Variants in TTN observed in about 807,000 individuals in gnomAD.
TTN encodes the protein connectin.
Under a neutral mutation model 3,223.0 loss-of-function variants are expected in TTN, and 1,525 were observed. The ratio of observed to expected loss-of-function variants is 0.47; its 90% CI spans 0.45 to 0.49. The LOEUF is 0.49. Ranked by LOEUF, TTN falls within the 20% of genes least tolerant of loss-of-function variation. The probability of loss-of-function intolerance (pLI) is 0.00; values close to 1 mark genes in which losing one functional copy is unlikely to be tolerated. For missense variants in TTN, 40,786 were observed against 43,424.0 expected (o/e 0.94, Z 5.40); for synonymous variants, 14,094 against 15,161.0 (o/e 0.93, Z 5.17).
Position 178,635,945 on chromosome 2 carries a change from TC to T in TTN, c.41608+17del. On this transcript the variant is annotated intron_variant, in intron 226 of 362. Transcript: ENST00000589042. ...GTGTAACAATAAGCAGAACGAAATCTCCCAGGAAAGTACTAACCTACTACTT... is the reference window on the plus strand; with the variant it reads ...GTGTAACAATAAGCAGAACGAAATCTCCAGGAAAGTACTAACCTACTACTT... 6.4e-7 allele frequency: 1 copy of T among 1,560,754 alleles called. No homozygotes were observed. Among genetic ancestry groups the T allele is most frequent in the Non-Finnish European group, 8.7e-7 (1 of 1,155,172 alleles).
Position 178,560,962 on chromosome 2 carries a change from G to A in TTN, c.85170C>T (p.Ser28390=). 6.2e-7 allele frequency: 1 copy of A among 1,613,756 alleles called. No individual in the cohort carries two copies. Among genetic ancestry groups the A allele is most frequent in the Non-Finnish European group, 8.5e-7 (1 of 1,179,790 alleles). The change falls in exon 326 of 363, where the codon TCC becomes TCT. Residue 28390 remains serine (S), a synonymous_variant. Transcript: ENST00000589042. ...CAATTTCTATACCATCCTTGGCCCA[G>A]GAAATTACTGGCAGAGGTCGCCCTG... is the stretch of plus-strand genomic sequence containing the variant. ...DIAGRPLPVI[S]WAKDGIEIEE... is the part of the protein sequence containing the mutation.
intron 126 of TTN, among the ~76,000 whole-genome samples, 190 bp from the exon 127 acceptor site, chr2:178,688,414 A>T (rs1448825666): frequency 6.6e-6 from 1 of 152,244 alleles, no homozygotes; most frequent in Non-Finnish European, 1.5e-5. Context: ...TGAGAATGAT[A>T]CTTGAGTTAT....
rs1416411399 is a variant in TTN, at chr2:178,710,864, T to A, written c.28233A>T (p.Gly9411=). 3 of 1,613,722 alleles carry A rather than the reference T, an allele frequency of 1.9e-6. No individual in the cohort carries two copies. The highest frequency in any genetic ancestry group is 2.5e-6 in the Non-Finnish European group (3 of 1,179,816). ...CGTGGCACTCAAAGTCAGCACTTTC[T>A]CCCACCACAGCATCCACAGGGGCAA... ...IRLAPVDAVV[G]ESADFECHVT... is the part of the protein sequence containing the mutation. The change falls in exon 98 of 363, where the codon GGA becomes GGT. Residue 9411 remains glycine, a synonymous_variant. Coordinates refer to ENST00000589042, the MANE Select transcript of TTN (RefSeq NM_001267550.2).
At position 178,778,922 on chromosome 2, in the gene TTN, A is replaced by G. The variant is rs115303497; in HGVS notation, c.4160T>C (p.Leu1387Pro). Reference sequence around the variant, plus strand: ...TGTGGGAATGTAAGTCGGAGCTCCAAGTGGTGCAGCAGGCTCCACATACAA... The same window carrying G: ...TGTGGGAATGTAAGTCGGAGCTCCAGGTGGTGCAGCAGGCTCCACATACAA... ...GKLYVEPAAP[L>P]GAPTYIPTLE... The change falls in exon 24 of 363, where the codon CTT becomes CCT. Residue 1387 changes from leucine (L) to proline (P), a missense_variant. Leu to Pro is a moderately conservative substitution (Grantham distance 98). Coordinates refer to ENST00000589042, the MANE Select transcript of TTN (RefSeq NM_001267550.2). 2.0e-5 allele frequency: 32 copies of G among 1,613,984 alleles called. No homozygotes were observed. The African/African-American group carries it at 3.9e-4, about 19-fold the overall frequency.
In TTN at chr2:178,701,167, A is replaced by T; in HGVS notation, c.30635T>A (p.Leu10212Ter). The part of the protein sequence containing the change: ...PPVVAPPIPL[L>*]LPTPEEKKPP... ...TTTCTTTTCTTCGGGTGTTGGTAGC[A>T]AAAGGGGGATAGGAGGAGCAACCAC... Residue 10212 changes from leucine to a stop codon, truncating the protein, a stop_gained, in exon 111 of 363, where the codon TTG becomes TAG. Coordinates refer to ENST00000589042, the MANE Select transcript of TTN (RefSeq NM_001267550.2). LOFTEE classifies it high-confidence loss of function. The T allele has an allele frequency of 6.2e-7, 1 of 1,613,650 alleles. No individual in the cohort carries two copies. The highest frequency in any genetic ancestry group is 2.2e-5 in the East Asian group (1 of 44,844).
At chr2:178,755,243 T>C (rs937714026) in intron 46 of TTN, among the ~76,000 whole-genome samples, 6 of 152,310 alleles carry the variant, frequency 3.9e-5, no homozygotes, top group Admixed American at 1.3e-4. Flanking sequence ...GACAAGTTTA[T>C]TCCTGCTCTT....
rs369025866 is a variant in TTN, at chr2:178,549,243, C to T, written c.92383G>A (p.Val30795Ile). 9.3e-6 allele frequency: 15 copies of T among 1,613,790 alleles called. No homozygotes were observed. Among genetic ancestry groups the T allele is most frequent in the Non-Finnish European group, 1.3e-5 (15 of 1,179,862 alleles). Residue 30795 changes from valine (V) to isoleucine (I), a missense_variant, in exon 339 of 363, where the codon GTC becomes ATC. Coordinates refer to ENST00000589042, the MANE Select transcript of TTN (RefSeq NM_001267550.2). Reference protein sequence around the residue: ...LTEGNEYEFHVMAENAAGVGP... With the variant: ...LTEGNEYEFHIMAENAAGVGP... ...ACTCCTGCAGCATTTTCAGCCATGA[C>T]ATGGAATTCATACTCATTGCCTTCT...
In TTN at chr2:178,799,522, G is replaced by T; in HGVS notation, c.879C>A (p.Val293=). 6.2e-7 allele frequency: 1 copy of T among 1,614,172 alleles called. No individual in the cohort carries two copies. Among genetic ancestry groups the T allele is most frequent in the Non-Finnish European group, 8.5e-7 (1 of 1,180,022 alleles). The change falls in exon 6 of 363, where the codon GTC becomes GTA. Residue 293 remains valine, a synonymous_variant. Coordinates refer to ENST00000589042, the MANE Select transcript of TTN (RefSeq NM_001267550.2). ...ATGGGGTCGGTGCCCGCACGTGTCT[G>T]ACCGGGGAAGGGGAGTGTCTTATGG... ...PSPIRHSPSP[V]RHVRAPTPSP... is the part of the protein sequence containing the mutation.
Position 178,671,125 on chromosome 2 carries a change from G to A in TTN, c.35273C>T (p.Thr11758Ile). Residue 11758 changes from threonine to isoleucine, a missense_variant, in exon 156 of 363, where the codon ACT becomes ATT. Coordinates refer to ENST00000589042, the MANE Select transcript of TTN (RefSeq NM_001267550.2). ...EKIIPPKKPP[T>I]KVVPRKEPPA... ...TGGCTCTTTTCGAGGAACAACTTTA[G>A]TGGGCGGTTTTTTTGGAGGGATGAT... 1 of 1,604,760 alleles carries A rather than the reference G, an allele frequency of 6.2e-7. No homozygotes were observed. The highest frequency in any genetic ancestry group is 8.5e-7 in the Non-Finnish European group (1 of 1,176,114).
In TTN at chr2:178,548,970, G is replaced by C. The variant is rs1234175458; in HGVS notation, c.92656C>G (p.Leu30886Val). The C allele has an allele frequency of 1.2e-6, 2 of 1,613,748 alleles. No homozygotes were observed. Among genetic ancestry groups the C allele is most frequent in the Non-Finnish European group, 1.7e-6 (2 of 1,179,824 alleles). Residue 30886 changes from leucine to valine, a missense_variant, in exon 339 of 363, where the codon CTA (leucine) becomes GTA (valine). By Grantham distance (32) the Leu-to-Val change is conservative (BLOSUM62 1). Transcript: ENST00000589042. This position sits in a 1 kb window ranked among gnomAD's most constrained non-coding sequence, Gnocchi z 4.3. ...AATTTGTATTCTTCACCTGCTTGTA[G>C]ATCAGTGACTGTATATCTTGTTTTC... is the stretch of plus-strand genomic sequence containing the variant. ...CVKTRYTVTD[L>V]QAGEEYKFRV...
At position 178,776,261 on chromosome 2, in the gene TTN, G is replaced by T. The variant is rs773566945; in HGVS notation, c.5603C>A (p.Pro1868His). Residue 1868 changes from proline (P) to histidine (H), a missense_variant, in exon 28 of 363, where the codon CCT (proline) becomes CAT (histidine). Physicochemically the swap from Pro to His is moderately conservative, Grantham distance 77 (BLOSUM62 -2). Transcript: ENST00000589042. ...GAGGTACCAGTTGACTTTGGGCTGA[G>T]GGTAGCCTGTTACCCTGCAGCGGAA... The part of the protein sequence containing the change: ...ARFRCRVTGY[P>H]QPKVNWYLNG... 1 of 1,614,094 alleles carries T rather than the reference G, an allele frequency of 6.2e-7. No individual in the cohort carries two copies. Among genetic ancestry groups the T allele is most frequent in the Non-Finnish European group, 8.5e-7 (1 of 1,179,990 alleles).
Position 178,740,798 on chromosome 2 carries a change from T to C in TTN, c.12435A>G (p.Glu4145=). 1 of 1,613,544 alleles carries C rather than the reference T, an allele frequency of 6.2e-7. No homozygotes were observed. The highest frequency in any genetic ancestry group is 1.3e-5 in the African/African-American group (1 of 74,998). The change falls in exon 48 of 363, where the codon GAA becomes GAG. Residue 4145 remains glutamate, a synonymous_variant. Coordinates refer to ENST00000589042, the MANE Select transcript of TTN (RefSeq NM_001267550.2). The part of the protein sequence containing the change: ...NGSIHFQPLK[E]PSPNLQLQIV... Reference sequence around the variant, plus strand: ...TCTGCAGCTGTAGGTTGGGAGATGGTTCCTTGAGAGGCTGAAAGTGAATAC... The same window carrying C: ...TCTGCAGCTGTAGGTTGGGAGATGGCTCCTTGAGAGGCTGAAAGTGAATAC...
Position 178,728,216 on chromosome 2 carries a change from C to T in TTN, c.19608G>A (p.Val6536=), listed in dbSNP as rs1403824885. 1 of 1,612,954 alleles carries T rather than the reference C, an allele frequency of 6.2e-7. No homozygotes were observed. The highest frequency in any genetic ancestry group is 1.7e-5 in the Admixed American group (1 of 59,922). Reference sequence around the variant, plus strand: ...ATTCCAGATTATTAACTTCCAGAGACACAGATCTCTCATGGCACACAAGTC... The same window carrying T: ...ATTCCAGATTATTAACTTCCAGAGATACAGATCTCTCATGGCACACAAGTC... ...KYRLVCHERS[V]SLEVNNLELE... The change falls in exon 67 of 363, where the codon GTG becomes GTA. Residue 6536 remains valine (V), a synonymous_variant. Coordinates refer to ENST00000589042, the MANE Select transcript of TTN (RefSeq NM_001267550.2).
chr2:178,595,912 G>T, intron 294 of TTN, 103 bp from the exon 295 acceptor site: 2 of 1,121,026 alleles, frequency 1.8e-6, no homozygotes, highest in Admixed American at 2.8e-5. Context: ...TTTGAAGAAA[G>T]TAAGGTTTTG....
intron 99 of TTN, among the ~76,000 whole-genome samples, chr2:178,708,680 T>G (rs2627034): frequency 0.05 from 7,582 of 152,246 alleles, 301 homozygotes; most frequent in East Asian, 0.19. Flanking sequence ...TTATAAAATG[T>G]GTTTTAAAAC....
chr2:178,717,418 T>C (rs1363005897), intron 87 of TTN, 36 bp from the exon 88 acceptor site: 1 of 1,583,786 alleles, frequency 6.3e-7, no homozygotes, highest in East Asian at 2.2e-5. Flanking sequence ...TGATTTTTAT[T>C]TCCATGCTCT....
Position 178,531,713 on chromosome 2 carries a change from T to C in TTN, c.104902A>G (p.Lys34968Glu). 6.2e-7 allele frequency: 1 copy of C among 1,613,998 alleles called. No individual in the cohort carries two copies. Among genetic ancestry groups the C allele is most frequent in the South Asian group, 1.1e-5 (1 of 91,084 alleles). The change falls in exon 358 of 363, where the codon AAG (lysine) becomes GAG (glutamate). Residue 34968 changes from lysine to glutamate, a missense_variant. Physicochemically the swap from Lys to Glu is moderately conservative, Grantham distance 56 (BLOSUM62 1). Coordinates refer to ENST00000589042, the MANE Select transcript of TTN (RefSeq NM_001267550.2). ...NTRFILNVQS[K>E]PTAEVKWYHN... is the part of the protein sequence containing the mutation. ...TACCATTTAACCTCGGCAGTTGGCT[T>C]AGACTGAACATTTAAAATAAAACGT...
intron 50 of TTN, among the ~76,000 whole-genome samples, chr2:178,735,206 A>G (rs542307572): frequency 6.6e-5 from 10 of 152,214 alleles, no homozygotes; most frequent in Non-Finnish European, 1.3e-4. Context: ...GACTACCTAC[A>G]CAAAGAAGAA....
rs2154346095 is a variant in TTN, at chr2:178,776,299, C to T, written c.5565G>A (p.Gly1855=). 1 of 1,614,044 alleles carries T rather than the reference C, an allele frequency of 6.2e-7. No homozygotes were observed. Among genetic ancestry groups the T allele is most frequent in the Admixed American group, 1.7e-5 (1 of 60,016 alleles). The change falls in exon 28 of 363, where the codon GGG becomes GGA. Residue 1855 remains glycine, a synonymous_variant. Transcript: ENST00000589042. ...LYPEPVRVLE[G]ETARFRCRVT... ...CCCTGCAGCGGAACCTTGCAGTCTC[C>T]CCTTCAAGTACTCTAACTGGCTCTG... is the stretch of plus-strand genomic sequence containing the variant.
Sources: allele counts gnomAD v4.1 joint callset (sites outside exome capture counted in the v4.1 genomes callset), GRCh38; gene constraint gnomAD v4.1.1; non-coding constraint Gnocchi (gnomAD v3.1); transcripts MANE v1.5; gene names NCBI Gene and HGNC (gene_info 2026-07-23, HGNC 2026-07-21).